PCCA: variants seen among roughly 807,000 people sequenced by gnomAD.
The protein encoded by PCCA is propionyl-CoA carboxylase alpha chain, mitochondrial.
Under a neutral mutation model 101.3 loss-of-function variants are expected in PCCA, and 74 were observed. The observed-to-expected ratio is 0.73, with a 90% CI of 0.61 to 0.89. The LOEUF (loss-of-function observed/expected upper bound fraction) is 0.89, where lower values mean the gene tolerates loss of function less well. PCCA is among the 40% of genes least tolerant of loss of function. The pLI is 0.00. For missense variants in PCCA, 891 were observed against 907.0 expected (o/e 0.98, Z 0.23); for synonymous variants, 294 against 313.6 (o/e 0.94, Z 0.66).
chr13:100,486,107 C>T (rs76308893), intron 21 of PCCA, among the ~76,000 whole-genome samples: 1,699 of 152,284 alleles, frequency 0.011, 32 homozygotes, highest in African/African-American at 0.038. Context: ...TCTAAACCAC[C>T]GTCTGCCTGA....
rs763062648 is a variant in PCCA, at chr13:100,530,107, G to C, written c.2128G>C (p.Val710Leu). The change falls in exon 24 of 24, where the codon GTG becomes CTG. Residue 710 changes from valine (V) to leucine (L), a missense_variant. Transcript: ENST00000376285. ...TTTTTCAAAATTCAAGGTGAAATCT[G>C]TGCACTGTCAAGCTGGAGACACAGT... ...TAGKTGTVKS[V>L]HCQAGDTVGE... is the part of the protein sequence containing the mutation. 6.2e-7 allele frequency: 1 copy of C among 1,613,906 alleles called. No individual in the cohort carries two copies. The highest frequency in any genetic ancestry group is 1.1e-5 in the South Asian group (1 of 91,080).
At chr13:100,150,754 T>C (rs117810421) in intron 4 of PCCA, 61 of 1,590,276 alleles carry the variant, frequency 3.8e-5, no homozygotes, top group Non-Finnish European at 5.0e-5. Context: ...AATTCAGGAC[T>C]CTCAAAGCCC....
intron 6 of PCCA, among the ~76,000 whole-genome samples, chr13:100,188,294 A>AAAAAAAAACAAAAC (rs1555371934): frequency 6.8e-6 from 1 of 146,898 alleles, no homozygotes; most frequent in Admixed American, 6.8e-5. Context: ...TCTGTCTCAA[A>AAAAAAAAACAAAAC]AAAACAAAAC....
chr13:100,187,301 C>G (rs2057363617), intron 6 of PCCA, among the ~76,000 whole-genome samples: 1 of 152,104 alleles, frequency 6.6e-6, no homozygotes, highest in Non-Finnish European at 1.5e-5. Flanking sequence ...AAGAACGAAT[C>G]AAGATTATGA....
chr13:100,492,532 C>G (rs1198549658), intron 21 of PCCA, among the ~76,000 whole-genome samples: 1 of 151,798 alleles, frequency 6.6e-6, no homozygotes, highest in Non-Finnish European at 1.5e-5. Context: ...AGAGTCACCC[C>G]TAGCACCATC....
chr13:100,161,938 G>T (rs1265739815), intron 6 of PCCA, among the ~76,000 whole-genome samples: 1 of 151,974 alleles, frequency 6.6e-6, no homozygotes, highest in African/African-American at 2.4e-5. Flanking sequence ...TTTAATTTTT[G>T]AGAATGTAAA....
intron 4 of PCCA, among the ~76,000 whole-genome samples, chr13:100,149,012 G>T (rs547073469): frequency 5.3e-5 from 8 of 151,856 alleles, no homozygotes; most frequent in African/African-American, 1.7e-4. Context: ...AAATCATTTT[G>T]TTTTCTATGA....
chr13:100,279,042 C>T (rs1374053704), intron 12 of PCCA, among the ~76,000 whole-genome samples: 3 of 152,084 alleles, frequency 2.0e-5, no homozygotes, highest in South Asian at 2.1e-4. Context: ...GAAATTGCCC[C>T]ACTTCTCACC....
chr13:100,321,856 G>A (rs890793110), intron 16 of PCCA, among the ~76,000 whole-genome samples: 2 of 152,054 alleles, frequency 1.3e-5, no homozygotes, highest in Non-Finnish European at 2.9e-5. Flanking sequence ...GAACAGAAAT[G>A]CTCAGGATTT....
At chr13:100,104,213 GT>G (rs1480998748) in intron 2 of PCCA, among the ~76,000 whole-genome samples, 1 of 152,078 alleles carries the variant, frequency 6.6e-6, no homozygotes, top group African/African-American at 2.4e-5. Context: ...TCTGAATCAT[GT>G]GCTGAAGTGC....
intron 6 of PCCA, among the ~76,000 whole-genome samples, chr13:100,191,731 A>G (rs2057757050): frequency 6.6e-6 from 1 of 152,208 alleles, no homozygotes; most frequent in African/African-American, 2.4e-5. Context: ...TCATATTTCA[A>G]ATGGCTGGGA....
At position 100,157,982 on chromosome 13, in the gene PCCA, C is replaced by T. The variant is rs184689849; in HGVS notation, c.468+642C>T. ...TGGCATACAGTCATGTGTTGCTTAA[C>T]AGCGTGAATACATTCTGAGAAATGC... is the stretch of plus-strand genomic sequence containing the variant. On this transcript the variant is annotated intron_variant, in intron 6 of 23. Coordinates refer to ENST00000376285, the MANE Select transcript of PCCA (RefSeq NM_000282.4). Among the ~76,000 whole-genome samples, 6 of 152,314 alleles carry T rather than the reference C, an allele frequency of 3.9e-5. No homozygotes were observed. The East Asian group carries it at 1.2e-3, about 29-fold the overall frequency.
At position 100,342,764 on chromosome 13, in the gene PCCA, C is replaced by G. The variant is rs1442801622; in HGVS notation, c.1643+2505C>G. Among the ~76,000 whole-genome samples the G allele has an allele frequency of 3.2e-5, 4 of 125,960 alleles. No individual in the cohort carries two copies. In the South Asian group the frequency reaches 7.4e-4, roughly 23 times the overall value. The allele number at this position is 125,960 out of a possible 152,430, so 82.6% of individuals were successfully genotyped here. A position where few individuals can be genotyped will look rare whatever the true frequency, so the allele number is the denominator to read the frequency against. On this transcript the variant is annotated intron_variant, in intron 18 of 23. Transcript: ENST00000376285. ...GAGATGAAGTCTTGCTTTTGTCGCC[C>G]AGGCTGAAGTGTAGTGGCACAGTCA...
intron 12 of PCCA, among the ~76,000 whole-genome samples, chr13:100,296,988 G>T (rs2065592567): frequency 6.6e-6 from 1 of 152,140 alleles, no homozygotes; most frequent in Non-Finnish European, 1.5e-5. Context: ...TTTTTGGTCA[G>T]TTGTGATCTT....
chr13:100,132,849 C>A (rs2050686997), intron 4 of PCCA, among the ~76,000 whole-genome samples: 1 of 152,114 alleles, frequency 6.6e-6, no homozygotes, highest in Non-Finnish European at 1.5e-5. Context: ...TCTTGGCTCA[C>A]TGCAACCTCC....
intron 21 of PCCA, among the ~76,000 whole-genome samples, chr13:100,470,685 A>T (rs1457667059): frequency 7.9e-5 from 12 of 152,128 alleles, no homozygotes; most frequent in Admixed American, 4.6e-4. Context: ...AAATTAAATT[A>T]AAAAATAAAA....
chr13:100,105,865 AAAAAAAAAAAAAG>A (rs2047733240), intron 2 of PCCA, among the ~76,000 whole-genome samples: 2 of 150,044 alleles, frequency 1.3e-5, no homozygotes, highest in Non-Finnish European at 3.0e-5. Context: ...AAAAAAAAAA[AAAAAAAAAAAAAG>A]AAAAGAAAAG....
At chr13:100,185,869 A>G (rs996387740) in intron 6 of PCCA, among the ~76,000 whole-genome samples, 3 of 151,256 alleles carry the variant, frequency 2.0e-5, no homozygotes, top group African/African-American at 7.3e-5. Context: ...CTCGTCTCGA[A>G]CTCCCGACCT....
chr13:100,197,368 T>C (rs1038732880), intron 6 of PCCA, among the ~76,000 whole-genome samples: 1 of 151,958 alleles, frequency 6.6e-6, no homozygotes, highest in African/African-American at 2.4e-5. Flanking sequence ...ATTTTTAAAT[T>C]TTTTTTTGTA....
Sources: gnomAD v4.1 joint callset for allele counts (sites outside exome capture counted in the v4.1 genomes callset) on GRCh38, gnomAD v4.1.1 for gene constraint, MANE v1.5 for transcripts, NCBI Gene and HGNC (gene_info 2026-07-23, HGNC 2026-07-21) for gene names.